Variants in AKAP9 observed in about 807,000 individuals in gnomAD.
The protein encoded by AKAP9 is A-kinase anchor protein 9.
AKAP9 carries 311 observed loss-of-function variants against 488.5 expected under a neutral mutation model. The ratio of observed to expected loss-of-function variants is 0.64; its 90% CI spans 0.58 to 0.70. The LOEUF is 0.70. Ranked by LOEUF, AKAP9 falls within the 30% of genes least tolerant of loss-of-function variation. The probability of loss-of-function intolerance (pLI) is 0.00; values close to 1 mark genes in which losing one functional copy is unlikely to be tolerated. For missense variants in AKAP9, 4,215 were observed against 4,374.5 expected, an observed-to-expected ratio of 0.96 and a Z score of 1.03; for synonymous variants, 1,462 against 1,483.5, an observed-to-expected ratio of 0.99 and a Z score of 0.33.
intron 43 of AKAP9, among the ~76,000 whole-genome samples, chr7:92,098,974 A>T (rs1817095130): frequency 6.6e-6 from 1 of 152,096 alleles, no homozygotes; most frequent in Non-Finnish European, 1.5e-5. Context: ...TTCCCTGGGG[A>T]AATGTACCCC....
chr7:92,047,802 T>C (rs916139667), intron 21 of AKAP9, among the ~76,000 whole-genome samples: 8 of 152,216 alleles, frequency 5.3e-5, no homozygotes, highest in African/African-American at 1.2e-4. Context: ...TTAAGAAATA[T>C]AGTGTATAGA....
chr7:92,053,881 T>A (rs1271263835), intron 22 of AKAP9, among the ~76,000 whole-genome samples: 2 of 152,140 alleles, frequency 1.3e-5, no homozygotes, highest in Admixed American at 6.6e-5. Context: ...TTTTAATAAG[T>A]CCTTTATATG....
chr7:92,095,479 C>G (rs931455023), intron 40 of AKAP9, among the ~76,000 whole-genome samples: 2 of 152,106 alleles, frequency 1.3e-5, no homozygotes, highest in Admixed American at 6.6e-5. Context: ...CAGTTTAATA[C>G]AGAGGTAGTT....
intron 39 of AKAP9, 32 bp downstream of exon 39, chr7:92,093,348 A>T (rs764471063): frequency 3.8e-6 from 6 of 1,589,014 alleles, no homozygotes; most frequent in Middle Eastern, 1.7e-4. Context: ...AAAACATGTA[A>T]CAAGGAGTGG....
At chr7:92,089,678 T>A (rs1310674487) in intron 38 of AKAP9, 149 bp downstream of exon 38, 1 of 909,134 alleles carries the variant, frequency 1.1e-6, no homozygotes. Flanking sequence ...TCTATATTAA[T>A]TACTCTAGGG....
At chr7:92,023,235 T>A (rs1056352058) in intron 14 of AKAP9, among the ~76,000 whole-genome samples, 3 of 152,224 alleles carry the variant, frequency 2.0e-5, no homozygotes, top group Non-Finnish European at 4.4e-5. Context: ...ACTTAAATTT[T>A]TACATTATAA....
intron 2 of AKAP9, among the ~76,000 whole-genome samples, chr7:91,979,526 G>A (rs1796126057): frequency 6.6e-6 from 1 of 152,180 alleles, no homozygotes; most frequent in African/African-American, 2.4e-5. Context: ...CAAGAGTATA[G>A]TCCAACACCC....
At chr7:91,974,047 G>A (rs1030042338) in intron 2 of AKAP9, 79 bp downstream of exon 2, 19 of 1,531,846 alleles carry the variant, frequency 1.2e-5, no homozygotes, top group Admixed American at 1.7e-5. Context: ...GCAACTGTGC[G>A]CAATTTGATC....
chr7:91,970,640 C>T (rs1379050210), intron 1 of AKAP9: 1 of 373,512 alleles, frequency 2.7e-6, no homozygotes, highest in African/African-American at 2.1e-5. Context: ...GCACTTTGAA[C>T]ATGTTGTCCC....
chr7:92,082,733 C>T, intron 32 of AKAP9, 71 bp downstream of exon 32: 1 of 1,518,850 alleles, frequency 6.6e-7, no homozygotes, highest in Admixed American at 1.7e-5. Flanking sequence ...AGTATATACT[C>T]TTTTATAACA....
chr7:91,994,260 G>C (rs1798123459), intron 5 of AKAP9, among the ~76,000 whole-genome samples: 1 of 152,182 alleles, frequency 6.6e-6, no homozygotes. Flanking sequence ...GTAGGACATT[G>C]ATGAGGATGA....
chr7:92,077,675 G>T lies in AKAP9; in HGVS notation c.6766-21G>T, dbSNP rs775082070. On this transcript the variant is annotated intron_variant, in intron 29 of 49. Coordinates refer to ENST00000356239, the MANE Select transcript of AKAP9 (RefSeq NM_005751.5). ...GATAGGTAATGATATATCCAACTGT[G>T]ATAATTATTTTTGTTCCTAGGATGA... The T allele has an allele frequency of 1.1e-5, 17 of 1,605,182 alleles. No homozygotes were observed. The East Asian group carries it at 3.6e-4, about 34-fold the overall frequency.
intron 36 of AKAP9, 39 bp downstream of exon 36, chr7:92,085,725 A>T: frequency 7.0e-7 from 1 of 1,431,426 alleles, no homozygotes; most frequent in Non-Finnish European, 9.7e-7. Context: ...CATTTTATGT[A>T]TTATTTGAAC....
chr7:92,022,843 C>T lies in AKAP9; in HGVS notation c.3982C>T (p.Leu1328=), dbSNP rs1282657959. 6.3e-7 allele frequency: 1 copy of T among 1,596,492 alleles called. No homozygotes were observed. The highest frequency in any genetic ancestry group is 2.2e-5 in the East Asian group (1 of 44,754). ...CAATCATAAAAGCAAGTTATCTTCT[C>T]TGCAAGATCTTGAAAAAACTAAACT... ...DVNHKSKLSS[L]QDLEKTKLEE... Residue 1328 remains leucine, a synonymous_variant, in exon 14 of 50, where the codon CTG becomes TTG. Coordinates refer to ENST00000356239, the MANE Select transcript of AKAP9 (RefSeq NM_005751.5).
chr7:92,085,402 T>G, intron 35 of AKAP9, 93 bp from the exon 36 acceptor site: 1 of 1,246,036 alleles, frequency 8.0e-7, no homozygotes, highest in Non-Finnish European at 1.2e-6. Flanking sequence ...CTCTGCAAGC[T>G]ATCTTGCTTA....
intron 7 of AKAP9, among the ~76,000 whole-genome samples, chr7:91,998,418 CTTTTTTTTTTTTTTTT>C (rs60778133): frequency 9.6e-4 from 52 of 53,992 alleles, no homozygotes; most frequent in South Asian, 1.5e-3. Context: ...CCACAGGGCT[CTTTTTTTTTTTTTTTT>C]TTTTTTTTTT....
At chr7:92,000,722 A>G (rs1380486332) in intron 7 of AKAP9, 126 bp from the exon 8 acceptor site, 4 of 567,148 alleles carry the variant, frequency 7.1e-6, no homozygotes, top group Non-Finnish European at 1.2e-5. Flanking sequence ...GGCAGGACCA[A>G]CATTTACTTT....
Position 92,080,004 on chromosome 7 carries a change from T to C in AKAP9, c.7871T>C (p.Leu2624Ser), listed in dbSNP as rs1302871920. Reference protein sequence around the residue: ...QVVEMHTSLILEKEQVEIAEK... With the variant: ...QVVEMHTSLISEKEQVEIAEK... ...GTTGAAATGCATACTAGTTTGATTT[T>C]AGAAAAAGAACAAGTAGAAATTGCA... The change falls in exon 31 of 50, where the codon TTA becomes TCA. Residue 2624 changes from leucine to serine, a missense_variant. Around this residue, in one of 5 missense-constraint regions of AKAP9, gnomAD observed 1,476 missense variants for 1,477.4 expected, o/e 1.00. Coordinates refer to ENST00000356239, the MANE Select transcript of AKAP9 (RefSeq NM_005751.5). 1 of 1,564,048 alleles carries C rather than the reference T, an allele frequency of 6.4e-7. No homozygotes were observed. Among genetic ancestry groups the C allele is most frequent in the Non-Finnish European group, 8.6e-7 (1 of 1,164,396 alleles).
chr7:92,102,033 G>A (rs1817587208), intron 45 of AKAP9, among the ~76,000 whole-genome samples: 1 of 151,866 alleles, frequency 6.6e-6, no homozygotes, highest in Non-Finnish European at 1.5e-5. Context: ...GTGGGCGCCT[G>A]TAATCCCAGC....
Sources: gnomAD v4.1 joint callset for allele counts (sites outside exome capture counted in the v4.1 genomes callset) on GRCh38, gnomAD v4.1.1 for gene constraint, gnomAD v4.1.1 regional missense constraint, MANE v1.5 for transcripts, NCBI Gene and HGNC (gene_info 2026-07-23, HGNC 2026-07-21) for gene names.